The following TNNI3K variants were observed in gnomAD, a reference collection of about 807,000 sequenced individuals.
The protein encoded by TNNI3K is serine/threonine-protein kinase TNNI3K.
In TNNI3K, 140 loss-of-function variants were observed where a neutral mutation model predicts 114.5. The observed-to-expected ratio is 1.22, with a 90% CI of 1.07 to 1.41. TNNI3K has a LOEUF of 1.41. TNNI3K is among the 40% of genes most tolerant of loss of function. TNNI3K has a pLI of 0.00. For synonymous variants in TNNI3K, 347 were observed against 347.5 expected (o/e 1.00, Z 0.02); for missense variants, 1,125 against 1,007.6 (o/e 1.12, Z -1.58).
intron 4 of TNNI3K, among the ~76,000 whole-genome samples, chr1:74,267,529 A>G (rs908370126): frequency 1.3e-4 from 19 of 151,998 alleles, no homozygotes; most frequent in African/African-American, 4.3e-4. Flanking sequence ...GACATCGGCT[A>G]TAAAATAGGG....
chr1:74,534,001 G>T (rs969984456), intron 23 of TNNI3K, among the ~76,000 whole-genome samples: 1 of 152,154 alleles, frequency 6.6e-6, no homozygotes, highest in Non-Finnish European at 1.5e-5. Flanking sequence ...CGAACTTTCT[G>T]AGCCTGACTT....
chr1:74,394,161 A>G (rs938140635), intron 17 of TNNI3K, among the ~76,000 whole-genome samples: 11 of 152,224 alleles, frequency 7.2e-5, no homozygotes, highest in African/African-American at 2.2e-4. Context: ...CTTTAAGCTA[A>G]TGGGAAAACC....
At position 74,422,345 on chromosome 1, in the gene TNNI3K, A is replaced by C. The variant is rs111385296; in HGVS notation, c.1773-13735A>C. On this transcript the variant is annotated intron_variant, in intron 17 of 24. Coordinates refer to ENST00000326637, the MANE Select transcript of TNNI3K (RefSeq NM_015978.3). Reference sequence around the variant, plus strand: ...TGCAGGTATTTCATTTCCATTATTTATTTCTTTACTGAAAAAACACTATAT... The same window carrying C: ...TGCAGGTATTTCATTTCCATTATTTCTTTCTTTACTGAAAAAACACTATAT... Among the ~76,000 whole-genome samples, 294 of 152,158 alleles carry C rather than the reference A, an allele frequency of 1.9e-3. 2 individuals are homozygous for C. The highest frequency in any genetic ancestry group is 6.7e-3 in the African/African-American group (278 of 41,530).
At chr1:74,262,439 AT>A (rs1239578277) in intron 4 of TNNI3K, among the ~76,000 whole-genome samples, 1 of 152,072 alleles carries the variant, frequency 6.6e-6, no homozygotes, top group East Asian at 1.9e-4. Context: ...GATTTTTTAA[AT>A]CTTAATTACC....
chr1:74,364,056 A>G (rs897149274), intron 11 of TNNI3K, among the ~76,000 whole-genome samples: 8 of 150,270 alleles, frequency 5.3e-5, no homozygotes, highest in Non-Finnish European at 8.9e-5. Context: ...CTGGAGTGCA[A>G]TGGTGTGATT....
chr1:74,392,531 C>A (rs1161294302), intron 17 of TNNI3K, among the ~76,000 whole-genome samples: 3 of 152,178 alleles, frequency 2.0e-5, no homozygotes, highest in African/African-American at 7.2e-5. Context: ...TCATTTCTCC[C>A]AGGTTCCATC....
intron 5 of TNNI3K, among the ~76,000 whole-genome samples, chr1:74,284,726 G>A (rs540303226): frequency 6.6e-6 from 1 of 152,272 alleles, no homozygotes; most frequent in African/African-American, 2.4e-5. Context: ...TATGCCAGAG[G>A]TTGCACATTT....
At chr1:74,270,687 A>C (rs112468424) in intron 4 of TNNI3K, among the ~76,000 whole-genome samples, 8 of 151,824 alleles carry the variant, frequency 5.3e-5, no homozygotes, top group African/African-American at 1.4e-4. Context: ...TGTAAGTCAT[A>C]AATGCACTGG....
intron 11 of TNNI3K, among the ~76,000 whole-genome samples, chr1:74,357,409 GTC>G (rs1379526856): frequency 6.6e-6 from 1 of 152,102 alleles, no homozygotes; most frequent in East Asian, 1.9e-4. Flanking sequence ...AGCAGCACCC[GTC>G]TCTATCTGAA....
chr1:74,474,930 G>A (rs962807705), intron 21 of TNNI3K, among the ~76,000 whole-genome samples: 5 of 152,022 alleles, frequency 3.3e-5, no homozygotes, highest in African/African-American at 7.2e-5. Flanking sequence ...ATTAGAGCTC[G>A]AAGGATGTTG....
At chr1:74,476,676 T>C (rs1044076860) in intron 21 of TNNI3K, among the ~76,000 whole-genome samples, 1 of 152,132 alleles carries the variant, frequency 6.6e-6, no homozygotes, top group African/African-American at 2.4e-5. Flanking sequence ...TAGGAAGATA[T>C]GGTGTCAGTA....
At chr1:74,364,579 A>G (rs1662164477) in intron 11 of TNNI3K, among the ~76,000 whole-genome samples, 1 of 151,950 alleles carries the variant, frequency 6.6e-6, no homozygotes. Context: ...AAAGATGTTC[A>G]GGTCCTGTTT....
intron 20 of TNNI3K, 111 bp downstream of exon 20, chr1:74,439,733 G>T: frequency 6.8e-7 from 1 of 1,480,522 alleles, no homozygotes; most frequent in East Asian, 2.3e-5. Flanking sequence ...GATGGCAAAA[G>T]AGGAGGTAAG....
At chr1:74,423,484 A>C (rs1665494063) in intron 17 of TNNI3K, among the ~76,000 whole-genome samples, 1 of 152,146 alleles carries the variant, frequency 6.6e-6, no homozygotes. Context: ...ATGAATTTAG[A>C]AACCAGAACA....
At chr1:74,425,943 G>A (rs1205138364) in intron 17 of TNNI3K, among the ~76,000 whole-genome samples, 2 of 151,852 alleles carry the variant, frequency 1.3e-5, no homozygotes, top group Non-Finnish European at 2.9e-5. Context: ...ACTGTCTGGT[G>A]TCTTGAAAAA....
chr1:74,473,503 C>T lies in TNNI3K; in HGVS notation c.2121+9953C>T, dbSNP rs375811234. On this transcript the variant is annotated intron_variant, in intron 21 of 24. Coordinates refer to ENST00000326637, the MANE Select transcript of TNNI3K (RefSeq NM_015978.3). The stretch of plus-strand genomic sequence containing the variant: ...CAAAACATCTTAACCGCAAAAAATC[C>T]TAACAGCACTATTGCTATTTAAAAG... Among the ~76,000 whole-genome samples the T allele has an allele frequency of 1.8e-3, 272 of 151,396 alleles. 8 individuals carry two copies. The South Asian group carries it at 0.055, about 31-fold the overall frequency.
intron 17 of TNNI3K, among the ~76,000 whole-genome samples, chr1:74,396,390 G>A (rs919597138): frequency 6.6e-6 from 1 of 152,212 alleles, no homozygotes; most frequent in East Asian, 1.9e-4. Flanking sequence ...GGATTTGTGA[G>A]TGCACTTCTA....
rs561290319 is a variant in TNNI3K, at chr1:74,500,603, C to CAAAAAAAA, written c.2351+8386_2351+8393dup. Among the ~76,000 whole-genome samples, 8 of 43,290 alleles carry CAAAAAAAA rather than the reference C, an allele frequency of 1.8e-4. 1 individual carries two copies. Among genetic ancestry groups the CAAAAAAAA allele is most frequent in the Non-Finnish European group, 2.2e-4 (5 of 23,248 alleles). The allele number at this position is 43,290 out of a possible 152,430, so 28.4% of individuals were successfully genotyped here. A position where few individuals can be genotyped will look rare whatever the true frequency, so the allele number is the denominator to read the frequency against. ...TGGGCGACAGAGCGAGACTCCGTCTCAAAAAAAAAAAAAAAAAAAAAAAAA... is the reference window on the plus strand; with the variant it reads ...TGGGCGACAGAGCGAGACTCCGTCTCAAAAAAAAAAAAAAAAAAAAAAAAAAAAAAAAA... On this transcript the variant is annotated intron_variant, in intron 23 of 24. Coordinates refer to ENST00000326637, the MANE Select transcript of TNNI3K (RefSeq NM_015978.3).
At chr1:74,408,641 G>A (rs1664735500) in intron 17 of TNNI3K, among the ~76,000 whole-genome samples, 1 of 152,110 alleles carries the variant, frequency 6.6e-6, no homozygotes, top group African/African-American at 2.4e-5. Context: ...CTAATTCTGG[G>A]TTCCCTGTTG....
Sources: allele counts gnomAD v4.1 joint callset (sites outside exome capture counted in the v4.1 genomes callset), GRCh38; gene constraint gnomAD v4.1.1; transcripts MANE v1.5; gene names NCBI Gene and HGNC (gene_info 2026-07-23, HGNC 2026-07-21).